The following ASIC2 variants were observed in gnomAD, a reference collection of about 807,000 sequenced individuals.
ASIC2 encodes acid-sensing ion channel 2.
In ASIC2, 25 loss-of-function variants were observed where a neutral mutation model predicts 57.3. That is an observed-to-expected ratio of 0.44 (90% CI 0.32 to 0.61). The LOEUF is 0.61. Ranked by LOEUF, ASIC2 falls within the 20% of genes least tolerant of loss-of-function variation. The pLI is 0.06. For synonymous variants in ASIC2, 319 were observed against 307.5 expected, an observed-to-expected ratio of 1.04 and a Z score of -0.39; for missense variants, 641 against 738.1, an observed-to-expected ratio of 0.87 and a Z score of 1.52.
In ASIC2 at chr17:33,080,865, G is replaced by C. The variant is rs544286424; in HGVS notation, c.987+7998C>G. On this transcript the variant is annotated intron_variant, in intron 3 of 9. Transcript: ENST00000225823. ...GGTGGGATGAAGTGGGATGGTGCGAGATTTCATCACGCTGTTCAGAATGGT... is the reference window on the plus strand; with the variant it reads ...GGTGGGATGAAGTGGGATGGTGCGACATTTCATCACGCTGTTCAGAATGGT... 2.0e-5 allele frequency among the ~76,000 whole-genome samples: 3 copies of C among 152,260 alleles called. No individual in the cohort carries two copies. In the East Asian group the frequency reaches 5.8e-4, roughly 29 times the overall value.
At chr17:33,713,340 G>T (rs567643215) in intron 1 of ASIC2, among the ~76,000 whole-genome samples, 2 of 152,194 alleles carry the variant, frequency 1.3e-5, no homozygotes, top group African/African-American at 4.8e-5. Context: ...AGTTTCAACA[G>T]GATCACCCTC....
At chr17:33,634,402 AG>A (rs1423018527) in intron 1 of ASIC2, among the ~76,000 whole-genome samples, 1 of 152,218 alleles carries the variant, frequency 6.6e-6, no homozygotes, top group Non-Finnish European at 1.5e-5. Flanking sequence ...CACCTAAGTT[AG>A]TAACAATAAT....
intron 3 of ASIC2, among the ~76,000 whole-genome samples, chr17:33,058,703 T>C (rs115575591): frequency 0.012 from 1,876 of 152,254 alleles, 34 homozygotes; most frequent in African/African-American, 0.042. Flanking sequence ...AAAATACATT[T>C]GGCAATATTT....
chr17:33,708,480 T>C (rs1472581477), intron 1 of ASIC2, among the ~76,000 whole-genome samples: 1 of 152,160 alleles, frequency 6.6e-6, no homozygotes, highest in African/African-American at 2.4e-5. Flanking sequence ...CAGAACAGGA[T>C]AAAACACCTA....
chr17:34,098,460 A>T (rs771424282), intron 1 of ASIC2, among the ~76,000 whole-genome samples: 19 of 152,200 alleles, frequency 1.2e-4, no homozygotes, highest in Admixed American at 3.3e-4. Flanking sequence ...ACAGGGATGG[A>T]AGGTTTTCTA....
intron 1 of ASIC2, among the ~76,000 whole-genome samples, chr17:33,610,975 C>G (rs1291044290): frequency 6.6e-6 from 1 of 152,274 alleles, no homozygotes; most frequent in East Asian, 1.9e-4. Context: ...CCTGTAATTC[C>G]CTCCAGGCAT....
Position 33,269,613 on chromosome 17 carries a change from CCCTTCCTTCCTT to C in ASIC2, c.708+21783_708+21794del, listed in dbSNP as rs1162850257. 1.4e-3 allele frequency among the ~76,000 whole-genome samples: 105 copies of C among 73,422 alleles called. 1 individual carries two copies. Among genetic ancestry groups the C allele is most frequent in the Non-Finnish European group, 2.2e-3 (78 of 34,992 alleles). 48.2% of individuals were successfully genotyped at this position (73,422 alleles called of 152,430 possible). ...TGTTTCTGGAACCTAAGGGCTCCTTCCCTTCCTTCCTTCCTTCCTTCCTTCCTTCCTTCCTTC... is the reference window on the plus strand; with the variant it reads ...TGTTTCTGGAACCTAAGGGCTCCTTCCCTTCCTTCCTTCCTTCCTTCCTTC... On this transcript the variant is annotated intron_variant, in intron 1 of 9. Coordinates refer to ENST00000225823, the MANE Select transcript of ASIC2 (RefSeq NM_183377.2).
chr17:33,487,672 C>T (rs115063281), intron 1 of ASIC2, among the ~76,000 whole-genome samples: 2,083 of 152,286 alleles, frequency 0.014, 46 homozygotes, highest in African/African-American at 0.045. Context: ...CTGGGAGAGG[C>T]AGACCAACCC....
chr17:33,066,827 G>C (rs759538631), intron 3 of ASIC2, among the ~76,000 whole-genome samples: 8 of 152,150 alleles, frequency 5.3e-5, no homozygotes, highest in South Asian at 2.1e-4. Flanking sequence ...CAGGTCCTCT[G>C]TTGGACTCTG....
rs559140583 is a variant in ASIC2 at position 33,151,069 on chromosome 17, A to G, written c.709-39002T>C. 2.0e-5 allele frequency among the ~76,000 whole-genome samples: 3 copies of G among 148,834 alleles called. No homozygotes were observed. The East Asian group carries it at 6.1e-4, about 30-fold the overall frequency. ...GAATGCTGGGTGTAGTGGCTCACAC[A>G]TATAATCCCAGCACTTTGGGAGGCT... On this transcript the variant is annotated intron_variant, in intron 1 of 9. Coordinates refer to ENST00000225823, the MANE Select transcript of ASIC2 (RefSeq NM_183377.2).
intron 1 of ASIC2, among the ~76,000 whole-genome samples, chr17:33,206,382 G>A (rs1448197467): frequency 6.6e-6 from 1 of 152,124 alleles, no homozygotes; most frequent in African/African-American, 2.4e-5. Flanking sequence ...ATCCAGTGAG[G>A]TAAGCAGTGT....
At chr17:34,086,052 G>C (rs1338540738) in intron 1 of ASIC2, among the ~76,000 whole-genome samples, 1 of 151,046 alleles carries the variant, frequency 6.6e-6, no homozygotes, top group African/African-American at 2.4e-5. Context: ...GTTCTGCTCT[G>C]ATTTTAGTTA....
intron 1 of ASIC2, among the ~76,000 whole-genome samples, chr17:34,050,914 G>A (rs1018121450): frequency 3.3e-5 from 5 of 152,218 alleles, no homozygotes; most frequent in African/African-American, 1.2e-4. Context: ...AGGACAGCCT[G>A]CAGATGCCTG....
chr17:33,992,655 G>A (rs1033799832), intron 1 of ASIC2, among the ~76,000 whole-genome samples: 8 of 152,164 alleles, frequency 5.3e-5, no homozygotes, highest in African/African-American at 1.9e-4. Context: ...CTCTATGTTG[G>A]CAGCTTGAGA....
chr17:33,354,688 C>T (rs1908310101), intron 1 of ASIC2, among the ~76,000 whole-genome samples: 1 of 152,090 alleles, frequency 6.6e-6, no homozygotes, highest in South Asian at 2.1e-4. Flanking sequence ...ATCTGATGGG[C>T]CCCTACTCAT....
chr17:33,089,108 C>G, intron 2 of ASIC2, 118 bp from the exon 3 acceptor site: 1 of 1,366,392 alleles, frequency 7.3e-7, no homozygotes. Flanking sequence ...GAATAATGGC[C>G]CCCAAAGGTG....
At chr17:33,935,716 C>G (rs1916043341) in intron 1 of ASIC2, 1 of 152,166 alleles carries the variant, frequency 6.6e-6, no homozygotes, top group Non-Finnish European at 1.5e-5. Context: ...TTTTTGTAAA[C>G]AGCAGAGACG....
intron 1 of ASIC2, among the ~76,000 whole-genome samples, chr17:33,234,447 G>C (rs1334723389): frequency 6.6e-6 from 1 of 152,182 alleles, no homozygotes; most frequent in East Asian, 1.9e-4. Flanking sequence ...CCCTGTGGTG[G>C]GAGGTGAGTG....
At chr17:33,491,186 G>T (rs1389390183) in intron 1 of ASIC2, among the ~76,000 whole-genome samples, 1 of 152,082 alleles carries the variant, frequency 6.6e-6, no homozygotes, top group African/African-American at 2.4e-5. Context: ...ACACCCACAG[G>T]ACATCAAGCA....
Sources: gnomAD v4.1 joint callset for allele counts (sites outside exome capture counted in the v4.1 genomes callset) on GRCh38, gnomAD v4.1.1 for gene constraint, MANE v1.5 for transcripts, NCBI Gene and HGNC (gene_info 2026-07-23, HGNC 2026-07-21) for gene names.